LINGO2: variants seen among roughly 807,000 people sequenced by gnomAD.
LINGO2 encodes the protein leucine-rich repeat and immunoglobulin-like domain-containing nogo receptor-interacting protein 2.
LINGO2 carries 14 observed loss-of-function variants against 30.6 expected under a neutral mutation model. That is an observed-to-expected ratio of 0.46 (90% CI 0.30 to 0.72). The LOEUF (loss-of-function observed/expected upper bound fraction) is 0.72. Ranked by LOEUF, LINGO2 falls within the 30% of genes least tolerant of loss-of-function variation. The pLI, the probability that LINGO2 is intolerant of heterozygous loss-of-function variation, is 0.07. For synonymous variants in LINGO2, 317 were observed against 288.5 expected, an observed-to-expected ratio of 1.10 and a Z score of -1.00; for missense variants, 729 against 751.7, an observed-to-expected ratio of 0.97 and a Z score of 0.35.
At chr9:28,893,423 T>C in the LINGO2 span, among the ~76,000 whole-genome samples, 1 of 151,974 alleles carries the variant, frequency 6.6e-6, no homozygotes, top group Admixed American at 6.6e-5. Flanking sequence ...TATTTTTAGG[T>C]TCAGACTGAG....
chr9:28,448,179 A>G (rs530260273), intron 2 of LINGO2, among the ~76,000 whole-genome samples: 1 of 152,126 alleles, frequency 6.6e-6, no homozygotes, highest in African/African-American at 2.4e-5. Flanking sequence ...GACAAATAAA[A>G]CCAGCATTAA....
intron 1 of LINGO2, among the ~76,000 whole-genome samples, chr9:28,608,153 A>T (rs1245084191): frequency 2.1e-5 from 1 of 47,488 alleles, no homozygotes; most frequent in African/African-American, 7.9e-5. Flanking sequence ...TAGAAAGATA[A>T]AAAAAAAAAA....
chr9:27,977,418 G>T (rs529693259), intron 5 of LINGO2, among the ~76,000 whole-genome samples: 24 of 151,756 alleles, frequency 1.6e-4, no homozygotes, highest in Non-Finnish European at 3.2e-4. Context: ...GGGCGGGTTG[G>T]GGGGAGCAGT....
chr9:28,329,942 C>T lies in LINGO2; in HGVS notation c.-245-34576G>A, dbSNP rs1446574107. Among the ~76,000 whole-genome samples, 2 of 152,014 alleles carry T rather than the reference C, an allele frequency of 1.3e-5. No individual in the cohort carries two copies. Among genetic ancestry groups the T allele is most frequent in the Non-Finnish European group, 2.9e-5 (2 of 67,980 alleles). On this transcript the variant is annotated intron_variant, in intron 3 of 5. Coordinates refer to ENST00000379992, the Ensembl canonical transcript of LINGO2. This position sits in a 1 kb window ranked among gnomAD's most constrained non-coding sequence, Gnocchi z 4.5. ...TCTTTTAATTTTTATGTATTTATTT[C>T]AACACTTTATTTTTTGAGCTTGCTA...
intron 3 of LINGO2, among the ~76,000 whole-genome samples, chr9:28,318,494 A>G (rs559644895): frequency 6.5e-4 from 99 of 152,292 alleles, no homozygotes; most frequent in African/African-American, 2.3e-3. Flanking sequence ...ATCAAGTTCA[A>G]AAAGGTTAAA....
the LINGO2 span, among the ~76,000 whole-genome samples, chr9:28,680,177 A>AT: frequency 2.0e-5 from 3 of 151,720 alleles, no homozygotes; most frequent in Non-Finnish European, 2.9e-5. Flanking sequence ...TCTGAGTTCC[A>AT]TTTTTTTAGA....
the LINGO2 span, among the ~76,000 whole-genome samples, chr9:28,756,499 G>A: frequency 6.6e-6 from 1 of 151,892 alleles, no homozygotes; most frequent in Non-Finnish European, 1.5e-5. Flanking sequence ...TGCATGATTG[G>A]TTTTGAAATG....
intron 4 of LINGO2, among the ~76,000 whole-genome samples, chr9:28,122,887 G>T (rs1201586052): frequency 6.6e-6 from 1 of 152,174 alleles, no homozygotes; most frequent in Non-Finnish European, 1.5e-5. Flanking sequence ...CCTATAGCAG[G>T]CAACATGCCT....
At chr9:28,712,581 T>C in the LINGO2 span, among the ~76,000 whole-genome samples, 1 of 151,456 alleles carries the variant, frequency 6.6e-6, no homozygotes, top group African/African-American at 2.4e-5. Flanking sequence ...AAAATGGACA[T>C]AATAAACAGT....
the LINGO2 span, among the ~76,000 whole-genome samples, chr9:28,860,611 T>G: frequency 2.0e-5 from 3 of 150,794 alleles, no homozygotes; most frequent in East Asian, 3.9e-4. Context: ...TAGATAGTCT[T>G]TATTTCTCTC....
chr9:28,059,343 C>T (rs1363224593), intron 4 of LINGO2, among the ~76,000 whole-genome samples: 1 of 152,088 alleles, frequency 6.6e-6, no homozygotes, highest in Non-Finnish European at 1.5e-5. Flanking sequence ...AACCTCCATA[C>T]ACTAGTGATG....
intron 4 of LINGO2, among the ~76,000 whole-genome samples, chr9:28,104,909 C>A (rs1239260986): frequency 6.6e-6 from 1 of 152,022 alleles, no homozygotes; most frequent in East Asian, 1.9e-4. Flanking sequence ...CCGACCCACA[C>A]ACACACAAAT....
the LINGO2 span, among the ~76,000 whole-genome samples, chr9:28,941,462 C>T: frequency 6.6e-6 from 1 of 151,962 alleles, no homozygotes; most frequent in Non-Finnish European, 1.5e-5. Context: ...TGATACTGTC[C>T]AATTAAATTA....
intron 4 of LINGO2, among the ~76,000 whole-genome samples, chr9:28,066,045 A>G (rs962016611): frequency 6.6e-6 from 1 of 152,086 alleles, no homozygotes. Context: ...GCCAAAAAAA[A>G]GCACATTAGA....
intron 2 of LINGO2, among the ~76,000 whole-genome samples, chr9:28,433,046 A>G (rs935649844): frequency 2.6e-5 from 4 of 152,172 alleles, no homozygotes; most frequent in Non-Finnish European, 1.5e-5. Flanking sequence ...ATAGATTCAG[A>G]AAGACTAAGC....
the LINGO2 span, among the ~76,000 whole-genome samples, chr9:28,727,029 C>A: frequency 6.6e-6 from 1 of 152,080 alleles, no homozygotes; most frequent in East Asian, 1.9e-4. Context: ...AGAGTTGAAC[C>A]ATTTGGTTGG....
chr9:28,531,906 T>C (rs1423798364), intron 1 of LINGO2, among the ~76,000 whole-genome samples: 1 of 152,056 alleles, frequency 6.6e-6, no homozygotes, highest in South Asian at 2.1e-4. Context: ...ATTTGGAAAA[T>C]ATTATGGGCT....
chr9:28,118,095 G>A lies in LINGO2; in HGVS notation c.-86-105690C>T, dbSNP rs150035735. Among the ~76,000 whole-genome samples the A allele has an allele frequency of 8.9e-4, 135 of 152,148 alleles. 1 individual carries two copies. The South Asian group carries it at 0.018, about 20-fold the overall frequency. ...GGGGCCTGTTGGGGGGTGGAGTAGG[G>A]GAGGGAGAGTATTAGAAAGAATAGC... On this transcript the variant is annotated intron_variant, in intron 4 of 5. Transcript: ENST00000379992.
At chr9:27,996,153 A>G (rs1055686349) in intron 5 of LINGO2, among the ~76,000 whole-genome samples, 1 of 152,118 alleles carries the variant, frequency 6.6e-6, no homozygotes, top group Non-Finnish European at 1.5e-5. Context: ...ACTGGTAAGG[A>G]TGTTGAGAAA....
Sources: allele counts gnomAD v4.1 joint callset (sites outside exome capture counted in the v4.1 genomes callset), GRCh38; gene constraint gnomAD v4.1.1; non-coding constraint Gnocchi (gnomAD v3.1); transcripts MANE v1.5; gene names NCBI Gene and HGNC (gene_info 2026-07-23, HGNC 2026-07-21).